Variants in CSMD3 observed in about 807,000 individuals in gnomAD.
CSMD3 encodes CUB and Sushi multiple domains 3.
CSMD3 carries 177 observed loss-of-function variants against 435.2 expected under a neutral mutation model. That is an observed-to-expected ratio of 0.41 (90% CI 0.36 to 0.46). The LOEUF is 0.46. CSMD3 is among the 20% of genes least tolerant of loss of function. The probability of loss-of-function intolerance (pLI) is 0.34; values close to 1 mark genes in which losing one functional copy is unlikely to be tolerated. For synonymous variants in CSMD3, 1,656 were observed against 1,520.5 expected (o/e 1.09, Z -2.07); for missense variants, 4,265 against 4,504.6 (o/e 0.95, Z 1.52).
chr8:112,832,041 T>G (rs2079891187), intron 11 of CSMD3, among the ~76,000 whole-genome samples: 1 of 152,032 alleles, frequency 6.6e-6, no homozygotes, highest in Admixed American at 6.6e-5. Context: ...AGTTATTAAT[T>G]TTACCAGAGT....
At chr8:113,423,190 T>G (rs1563807367) in intron 1 of CSMD3, among the ~76,000 whole-genome samples, 1 of 152,086 alleles carries the variant, frequency 6.6e-6, no homozygotes, top group Non-Finnish European at 1.5e-5. Flanking sequence ...TGGAATCATG[T>G]CAGACCTCAA....
At chr8:112,512,227 C>T (rs1823216710) in intron 28 of CSMD3, among the ~76,000 whole-genome samples, 1 of 152,164 alleles carries the variant, frequency 6.6e-6, no homozygotes, top group African/African-American at 2.4e-5. Context: ...TTTCAATTTA[C>T]TTTGCTCAGA....
At chr8:112,762,841 T>C (rs1250721528) in intron 13 of CSMD3, among the ~76,000 whole-genome samples, 2 of 151,522 alleles carry the variant, frequency 1.3e-5, no homozygotes, top group Non-Finnish European at 3.0e-5. Flanking sequence ...ATATGTGGAG[T>C]CTAAAAAAGT....
Position 112,313,757 on chromosome 8 carries a change from A to G in CSMD3, c.7696+149T>C, listed in dbSNP as rs1822204802. The G allele has an allele frequency of 2.9e-5, 18 of 621,088 alleles. No individual in the cohort carries two copies. In the South Asian group the frequency reaches 3.2e-4, roughly 11 times the overall value. The allele number at this position is 621,088 out of a possible 1,614,324, so 38.5% of individuals were successfully genotyped here. On this transcript the variant is annotated intron_variant, in intron 49 of 70. Transcript: ENST00000297405. ...AGAATTATTATCATTACAATAGGAA[A>G]TAGAGAGGTTACATAAATTGTCCAG... is the stretch of plus-strand genomic sequence containing the variant.
chr8:112,894,339 G>A (rs546621601), intron 10 of CSMD3, among the ~76,000 whole-genome samples: 112 of 151,510 alleles, frequency 7.4e-4, no homozygotes, highest in African/African-American at 2.5e-3. Flanking sequence ...ATCTTGTCAC[G>A]TTTAGTTGTG....
chr8:113,307,163 T>C (rs970505607), intron 2 of CSMD3, among the ~76,000 whole-genome samples: 3 of 152,040 alleles, frequency 2.0e-5, no homozygotes, highest in African/African-American at 7.2e-5. Flanking sequence ...GAAATACAGA[T>C]AAAAAATAAG....
intron 13 of CSMD3, among the ~76,000 whole-genome samples, chr8:112,694,852 C>A (rs536937534): frequency 6.6e-6 from 1 of 152,180 alleles, no homozygotes; most frequent in South Asian, 2.1e-4. Context: ...CAAATAGGAA[C>A]AGCTCCAGTC....
chr8:112,537,838 C>A (rs778603825), intron 27 of CSMD3, among the ~76,000 whole-genome samples: 9 of 151,846 alleles, frequency 5.9e-5, no homozygotes, highest in African/African-American at 2.2e-4. Context: ...CACACTATTT[C>A]AAAAAACTGA....
chr8:112,697,599 CA>C (rs1029311003), intron 13 of CSMD3, among the ~76,000 whole-genome samples: 1 of 138,196 alleles, frequency 7.2e-6, no homozygotes, highest in Non-Finnish European at 1.6e-5. Context: ...GGGGTGGGGG[CA>C]GGGGGGAGGG....
At chr8:112,609,620 T>C (rs1833096760) in intron 22 of CSMD3, among the ~76,000 whole-genome samples, 1 of 152,050 alleles carries the variant, frequency 6.6e-6, no homozygotes, top group Non-Finnish European at 1.5e-5. Context: ...CCTCAGAATA[T>C]TAAAAATAGA....
chr8:112,897,694 CTGTGTGTGTGTG>C (rs375797134), intron 10 of CSMD3, among the ~76,000 whole-genome samples: 1 of 90,964 alleles, frequency 1.1e-5, no homozygotes, highest in Non-Finnish European at 2.1e-5. Context: ...CTCTCTCTCT[CTGTGTGTGTGTG>C]TGTGTGTGTG....
intron 66 of CSMD3, among the ~76,000 whole-genome samples, chr8:112,239,149 T>A (rs1458288159): frequency 3.3e-5 from 5 of 152,090 alleles, no homozygotes; most frequent in Admixed American, 3.3e-4. Flanking sequence ...CTCTCCCTTC[T>A]GATTTCTGTA....
chr8:113,387,146 C>G (rs988638187), intron 1 of CSMD3, among the ~76,000 whole-genome samples: 1 of 151,662 alleles, frequency 6.6e-6, no homozygotes, highest in African/African-American at 2.4e-5. Context: ...ATTTTTTAAT[C>G]ATTAATTGCA....
chr8:113,094,904 T>C (rs1261677398), intron 5 of CSMD3, among the ~76,000 whole-genome samples: 1 of 151,970 alleles, frequency 6.6e-6, no homozygotes, highest in Admixed American at 6.6e-5. Context: ...ACCCCGTCTC[T>C]ACTAAAAATA....
chr8:112,333,144 G>A (rs974740490), intron 45 of CSMD3, among the ~76,000 whole-genome samples: 1 of 152,060 alleles, frequency 6.6e-6, no homozygotes, highest in African/African-American at 2.4e-5. Flanking sequence ...ATGAATATCT[G>A]ATCTGTTTTA....
chr8:112,855,256 T>C (rs1016594421), intron 11 of CSMD3, among the ~76,000 whole-genome samples: 6 of 152,104 alleles, frequency 3.9e-5, no homozygotes, highest in Non-Finnish European at 8.8e-5. Context: ...AATAAAAAGA[T>C]TTTGGAAACT....
At chr8:112,430,573 T>C (rs920924958) in intron 32 of CSMD3, among the ~76,000 whole-genome samples, 2 of 151,888 alleles carry the variant, frequency 1.3e-5, no homozygotes, top group African/African-American at 4.8e-5. Context: ...TATTTTATGT[T>C]TAGGATATGG....
At chr8:112,666,203 T>C in intron 17 of CSMD3, 74 bp downstream of exon 17, 6 of 1,162,352 alleles carry the variant, frequency 5.2e-6, no homozygotes, top group South Asian at 1.3e-5. Context: ...ATTCATTTGG[T>C]AAATGCAAAA....
At chr8:113,205,026 C>T (rs1025338406) in intron 3 of CSMD3, among the ~76,000 whole-genome samples, 7 of 151,604 alleles carry the variant, frequency 4.6e-5, no homozygotes, top group Non-Finnish European at 1.0e-4. Flanking sequence ...CTCTCTGGCT[C>T]AGGCTGGAGT....
Sources: gnomAD v4.1 joint callset for allele counts (sites outside exome capture counted in the v4.1 genomes callset) on GRCh38, gnomAD v4.1.1 for gene constraint, MANE v1.5 for transcripts, NCBI Gene and HGNC (gene_info 2026-07-23, HGNC 2026-07-21) for gene names.